Variants in SOCS5 observed in about 807,000 individuals in gnomAD.
SOCS5 encodes the protein suppressor of cytokine signaling 5.
In SOCS5, 32 loss-of-function variants were observed where a neutral mutation model predicts 42.8. The observed-to-expected ratio is 0.75, with a 90% CI of 0.56 to 1.01. The LOEUF (loss-of-function observed/expected upper bound fraction) is 1.01. Ranked by LOEUF, SOCS5 falls within the 50% of genes least tolerant of loss-of-function variation. The probability of loss-of-function intolerance (pLI) is 0.00; values close to 1 mark genes in which losing one functional copy is unlikely to be tolerated. For missense variants in SOCS5, 627 were observed against 653.0 expected, an observed-to-expected ratio of 0.96 and a Z score of 0.43; for synonymous variants, 283 against 229.6, an observed-to-expected ratio of 1.23 and a Z score of -2.10.
intron 1 of SOCS5, among the ~76,000 whole-genome samples, chr2:46,729,991 A>C (rs769466144): frequency 6.6e-6 from 1 of 152,202 alleles, no homozygotes; most frequent in Non-Finnish European, 1.5e-5. Flanking sequence ...GTTAAAGACT[A>C]AGATACAAAC....
At chr2:46,735,488 A>G (rs1310123433) in intron 1 of SOCS5, among the ~76,000 whole-genome samples, 4 of 152,290 alleles carry the variant, frequency 2.6e-5, no homozygotes, top group East Asian at 3.9e-4. Flanking sequence ...GCAGTCTGCC[A>G]CATTACTCCA....
intron 1 of SOCS5, among the ~76,000 whole-genome samples, chr2:46,709,431 A>G (rs1223817888): frequency 1.3e-5 from 2 of 152,162 alleles, no homozygotes; most frequent in Admixed American, 1.3e-4. Context: ...TGCTGAAGGG[A>G]ATTTGGAAAG....
intron 1 of SOCS5, among the ~76,000 whole-genome samples, chr2:46,752,184 G>A (rs868172539): frequency 1.4e-4 from 20 of 146,450 alleles, no homozygotes; most frequent in Admixed American, 1.1e-3. Flanking sequence ...TTTTTTTTTC[G>A]GCGAGTATTA....
At position 46,759,253 on chromosome 2, in the gene SOCS5, C is replaced by A; in HGVS notation, c.723C>A (p.Ser241Arg). ...TTAAACAGCATACAGCTCCTGTGAGCCCACATTCAACATTTTTTGATACAT... is the reference window on the plus strand; with the variant it reads ...TTAAACAGCATACAGCTCCTGTGAGACCACATTCAACATTTTTTGATACAT... ...HLIKQHTAPV[S>R]PHSTFFDTFD... The change falls in exon 2 of 2, where the codon AGC (serine) becomes AGA (arginine). Residue 241 changes from serine to arginine, a missense_variant. Ser to Arg is a moderately radical substitution (Grantham distance 110). Transcript: ENST00000394861. The A allele has an allele frequency of 6.2e-7, 1 of 1,613,948 alleles. No homozygotes were observed. Among genetic ancestry groups the A allele is most frequent in the South Asian group, 1.1e-5 (1 of 91,066 alleles).
chr2:46,724,154 G>T (rs1433585322), intron 1 of SOCS5, among the ~76,000 whole-genome samples: 1 of 151,324 alleles, frequency 6.6e-6, no homozygotes, highest in African/African-American at 2.4e-5. Context: ...TTGCTTGGTA[G>T]ATTCTTTGGG....
At chr2:46,746,129 A>C (rs577575316) in intron 1 of SOCS5, among the ~76,000 whole-genome samples, 1 of 152,122 alleles carries the variant, frequency 6.6e-6, no homozygotes, top group Admixed American at 6.5e-5. Flanking sequence ...AGGGTGGAGA[A>C]AGGTAGACTG....
intron 1 of SOCS5, among the ~76,000 whole-genome samples, chr2:46,743,409 C>T (rs147647316): frequency 0.053 from 8,125 of 152,206 alleles, 296 homozygotes; most frequent in Non-Finnish European, 0.084. Context: ...CCTTTTTAGA[C>T]CATATGGGGT....
intron 1 of SOCS5, among the ~76,000 whole-genome samples, chr2:46,714,445 A>C (rs967808685): frequency 2.0e-5 from 3 of 152,220 alleles, no homozygotes; most frequent in African/African-American, 7.2e-5. Flanking sequence ...TGTCTGATAC[A>C]AACTTTTCTT....
At chr2:46,701,636 C>G (rs887882414) in intron 1 of SOCS5, among the ~76,000 whole-genome samples, 1 of 151,442 alleles carries the variant, frequency 6.6e-6, no homozygotes, top group African/African-American at 2.4e-5. Flanking sequence ...TTTGAGTTGA[C>G]TACTTTTATC....
At chr2:46,705,240 G>T (rs1347132695) in intron 1 of SOCS5, among the ~76,000 whole-genome samples, 4 of 152,216 alleles carry the variant, frequency 2.6e-5, no homozygotes, top group Non-Finnish European at 5.9e-5. Flanking sequence ...TTTATAGCCG[G>T]TTGGTCAGAA....
chr2:46,744,042 T>A (rs1572843911), intron 1 of SOCS5, among the ~76,000 whole-genome samples: 1 of 151,898 alleles, frequency 6.6e-6, no homozygotes, highest in African/African-American at 2.4e-5. Flanking sequence ...CAGGCTAGAG[T>A]GCAGTGGCGC....
At chr2:46,723,753 C>G (rs1304130953) in intron 1 of SOCS5, among the ~76,000 whole-genome samples, 1 of 151,974 alleles carries the variant, frequency 6.6e-6, no homozygotes, top group Non-Finnish European at 1.5e-5. Flanking sequence ...TTTGGCTATT[C>G]TAGTTCCTTT....
chr2:46,745,807 AGT>A (rs1673483131), intron 1 of SOCS5, among the ~76,000 whole-genome samples: 1 of 152,000 alleles, frequency 6.6e-6, no homozygotes, highest in Admixed American at 6.5e-5. Flanking sequence ...TTTTCCTGAG[AGT>A]TTCTTTGTCT....
At chr2:46,742,840 A>G (rs965136023) in intron 1 of SOCS5, among the ~76,000 whole-genome samples, 3 of 151,830 alleles carry the variant, frequency 2.0e-5, no homozygotes, top group East Asian at 1.9e-4. Flanking sequence ...TAATTTTTGT[A>G]TTTTTAGTAG....
chr2:46,710,196 G>C (rs1235818130), intron 1 of SOCS5, among the ~76,000 whole-genome samples: 8 of 152,114 alleles, frequency 5.3e-5, no homozygotes, highest in Admixed American at 5.2e-4. Context: ...GCCCACGCTG[G>C]AGTGCAGTGG....
At chr2:46,757,577 C>T (rs1391547709) in intron 1 of SOCS5, among the ~76,000 whole-genome samples, 1 of 151,798 alleles carries the variant, frequency 6.6e-6, no homozygotes, top group Non-Finnish European at 1.5e-5. Flanking sequence ...TTTAAAGACA[C>T]CTTTCCTGGC....
At chr2:46,757,388 T>C (rs1396078006) in intron 1 of SOCS5, among the ~76,000 whole-genome samples, 1 of 152,216 alleles carries the variant, frequency 6.6e-6, no homozygotes. Context: ...ACTGTAGTCT[T>C]AAAAGAATTT....
At chr2:46,743,775 G>C (rs946068883) in intron 1 of SOCS5, among the ~76,000 whole-genome samples, 1 of 152,078 alleles carries the variant, frequency 6.6e-6, no homozygotes, top group Non-Finnish European at 1.5e-5. Flanking sequence ...GGACTGGGGG[G>C]CATCTCCAAA....
chr2:46,734,626 T>A (rs1046677685), intron 1 of SOCS5, among the ~76,000 whole-genome samples: 1 of 152,206 alleles, frequency 6.6e-6, no homozygotes, highest in Non-Finnish European at 1.5e-5. Context: ...CTTCTAGTCC[T>A]CAATATTTAC....
Sources: allele counts gnomAD v4.1 joint callset (sites outside exome capture counted in the v4.1 genomes callset), GRCh38; gene constraint gnomAD v4.1.1; transcripts MANE v1.5; gene names NCBI Gene and HGNC (gene_info 2026-07-23, HGNC 2026-07-21).